The following DSCAML1 variants were observed in gnomAD, a reference collection of about 807,000 sequenced individuals.
The protein encoded by DSCAML1 is DS cell adhesion molecule like 1.
Under a neutral mutation model 200.5 loss-of-function variants are expected in DSCAML1, and 38 were observed. The observed-to-expected ratio is 0.19, with a 90% CI of 0.15 to 0.25. The LOEUF is 0.25. DSCAML1 is among the 10% of genes least tolerant of loss of function. The probability of loss-of-function intolerance (pLI) is 1.00; values close to 1 mark genes in which losing one functional copy is unlikely to be tolerated. For missense variants in DSCAML1, 2,223 were observed against 2,858.8 expected (o/e 0.78, Z 5.07); for synonymous variants, 1,215 against 1,165.0 (o/e 1.04, Z -0.87).
chr11:117,525,714 C>A (rs1470112058), intron 4 of DSCAML1, among the ~76,000 whole-genome samples: 2 of 152,174 alleles, frequency 1.3e-5, no homozygotes, highest in Non-Finnish European at 2.9e-5. Flanking sequence ...CCTGCCTTGG[C>A]CTCTGAAAAT....
intron 3 of DSCAML1, among the ~76,000 whole-genome samples, chr11:117,758,440 T>C (rs1010356200): frequency 4.6e-5 from 7 of 151,724 alleles, no homozygotes; most frequent in Non-Finnish European, 8.8e-5. Flanking sequence ...CTCGCTCTGT[T>C]GCCCAGGCTG....
At chr11:117,753,286 T>C (rs528701339) in intron 3 of DSCAML1, among the ~76,000 whole-genome samples, 1 of 152,270 alleles carries the variant, frequency 6.6e-6, no homozygotes, top group East Asian at 1.9e-4. Flanking sequence ...ATGGGCGGCA[T>C]CATTTTAGAA....
chr11:117,712,382 C>A (rs2137772124), intron 3 of DSCAML1, among the ~76,000 whole-genome samples: 1 of 152,218 alleles, frequency 6.6e-6, no homozygotes, highest in Admixed American at 6.5e-5. Context: ...GGGCTGTAAG[C>A]AAAAGCAAGC....
intron 19 of DSCAML1, among the ~76,000 whole-genome samples, chr11:117,453,776 G>A (rs192189237): frequency 1.0e-4 from 14 of 138,094 alleles, no homozygotes; most frequent in South Asian, 4.5e-4. Flanking sequence ...ATAGAGTCTC[G>A]CTCTGTCCCT....
intron 11 of DSCAML1, among the ~76,000 whole-genome samples, chr11:117,501,166 A>T (rs12276851): frequency 3.9e-5 from 6 of 152,030 alleles, no homozygotes; most frequent in African/African-American, 1.2e-4. Context: ...GAGAATTGCT[A>T]TCAGGTTGAG....
intron 3 of DSCAML1, among the ~76,000 whole-genome samples, chr11:117,712,637 C>T (rs1043531747): frequency 2.6e-5 from 4 of 152,106 alleles, no homozygotes; most frequent in Admixed American, 6.5e-5. Context: ...AGCACGCGCA[C>T]GCCGACAGCA....
At chr11:117,670,017 G>T (rs1173141319) in intron 3 of DSCAML1, among the ~76,000 whole-genome samples, 1 of 152,228 alleles carries the variant, frequency 6.6e-6, no homozygotes, top group Admixed American at 6.5e-5. Flanking sequence ...AAACTTTCTG[G>T]CTCCTAAGTT....
intron 3 of DSCAML1, among the ~76,000 whole-genome samples, chr11:117,579,649 C>T (rs1398676709): frequency 6.6e-6 from 1 of 152,174 alleles, no homozygotes; most frequent in Non-Finnish European, 1.5e-5. Context: ...TTTTCTAGTT[C>T]GTGACGATAT....
intron 20 of DSCAML1, among the ~76,000 whole-genome samples, chr11:117,448,922 C>T (rs1277262654): frequency 4.7e-5 from 7 of 149,450 alleles, no homozygotes; most frequent in African/African-American, 1.7e-4. Flanking sequence ...ACAGCAGCAC[C>T]ATTTGAAGAG....
chr11:117,707,444 C>A (rs1406509694), intron 3 of DSCAML1, among the ~76,000 whole-genome samples: 2 of 152,248 alleles, frequency 1.3e-5, no homozygotes, highest in East Asian at 3.8e-4. Context: ...GTCTGAACAT[C>A]TCCCAGGTCA....
rs529708860 is a variant in DSCAML1 at position 117,437,808 on chromosome 11, A to T, written c.4432+87T>A. On this transcript the variant is annotated intron_variant, in intron 25 of 32. Transcript: ENST00000651296. The surrounding 1 kb of genome is among the most constrained non-coding windows in gnomAD (Gnocchi z 5.3). Reference sequence around the variant, plus strand: ...CCCTGGACCCCTCCTTCCCCACCCCAGCCACCTTACACCCCATACCTGGCC... The same window carrying T: ...CCCTGGACCCCTCCTTCCCCACCCCTGCCACCTTACACCCCATACCTGGCC... 10 of 1,349,268 alleles carry T rather than the reference A, an allele frequency of 7.4e-6. No individual in the cohort carries two copies. In the African/African-American group the frequency reaches 1.2e-4, roughly 16 times the overall value. 83.6% of individuals were successfully genotyped at this position (1,349,268 alleles called of 1,614,324 possible).
intron 3 of DSCAML1, among the ~76,000 whole-genome samples, chr11:117,687,424 C>CTTTTTTTTTTTTTTTT (rs1440234665): frequency 1.9e-5 from 1 of 51,810 alleles, no homozygotes; most frequent in East Asian, 4.9e-4. Flanking sequence ...CCATGCCTGG[C>CTTTTTTTTTTTTTTTT]TATTTTTTTT....
chr11:117,775,201 G>A (rs866809027), intron 3 of DSCAML1, among the ~76,000 whole-genome samples: 49 of 152,138 alleles, frequency 3.2e-4, no homozygotes, highest in African/African-American at 1.1e-3. Context: ...TGATTGCTTT[G>A]GCTCTTGGGC....
intron 3 of DSCAML1, among the ~76,000 whole-genome samples, chr11:117,682,998 C>T (rs1384023548): frequency 6.6e-6 from 1 of 152,246 alleles, no homozygotes; most frequent in Non-Finnish European, 1.5e-5. Context: ...CCCTCTGCTC[C>T]TCCACAGAGG....
chr11:117,700,916 A>G (rs1591416563), intron 3 of DSCAML1, among the ~76,000 whole-genome samples: 1 of 152,252 alleles, frequency 6.6e-6, no homozygotes, highest in Non-Finnish European at 1.5e-5. Flanking sequence ...AAAGCATTTC[A>G]GGTCCTTCCT....
At chr11:117,689,412 G>C (rs1312486539) in intron 3 of DSCAML1, among the ~76,000 whole-genome samples, 1 of 152,160 alleles carries the variant, frequency 6.6e-6, no homozygotes. Flanking sequence ...ACAAACCTTC[G>C]GGGATTTGTA....
chr11:117,792,908 G>A (rs890959727), intron 1 of DSCAML1, among the ~76,000 whole-genome samples: 1 of 152,212 alleles, frequency 6.6e-6, no homozygotes, highest in Non-Finnish European at 1.5e-5. Flanking sequence ...GATAGGGGTG[G>A]TGGGAGCTCT....
chr11:117,553,730 C>G (rs1288514707), intron 3 of DSCAML1, among the ~76,000 whole-genome samples: 1 of 152,198 alleles, frequency 6.6e-6, no homozygotes, highest in Non-Finnish European at 1.5e-5. Flanking sequence ...CAGTGGATGG[C>G]TCCTCAAAAA....
rs544233237 is a variant in DSCAML1 at position 117,773,350 on chromosome 11, C to G, written c.511+3441G>C. On this transcript the variant is annotated intron_variant, in intron 3 of 32. Transcript: ENST00000651296. ...TGGACTTGTGGTTTGTGAAGCTGAG[C>G]CCAGCCCTGCAGATCCAGAAATCAA... 2.6e-5 allele frequency among the ~76,000 whole-genome samples: 4 copies of G among 152,146 alleles called. No individual in the cohort carries two copies. In the East Asian group the frequency reaches 5.8e-4, roughly 22 times the overall value.
Sources: gnomAD v4.1 joint callset for allele counts (sites outside exome capture counted in the v4.1 genomes callset) on GRCh38, gnomAD v4.1.1 for gene constraint, Gnocchi (gnomAD v3.1) non-coding constraint, MANE v1.5 for transcripts, NCBI Gene and HGNC (gene_info 2026-07-23, HGNC 2026-07-21) for gene names.